ACKR2: variants seen among roughly 807,000 people sequenced by gnomAD.
The protein encoded by ACKR2 is C-C chemokine receptor D6.
For missense variants in ACKR2, 457 were observed against 477.3 expected, an observed-to-expected ratio of 0.96 and a Z score of 0.40; for synonymous variants, 207 against 192.2, an observed-to-expected ratio of 1.08 and a Z score of -0.64.
chr3:42,843,472 G>A (rs1165607674), intron 2 of ACKR2, among the ~76,000 whole-genome samples: 1 of 152,006 alleles, frequency 6.6e-6, no homozygotes, highest in African/African-American at 2.4e-5. Flanking sequence ...TTTCAGGTGT[G>A]TGTATGTGTA....
At chr3:42,858,571 C>T (rs2088346870) in intron 2 of ACKR2, among the ~76,000 whole-genome samples, 1 of 152,070 alleles carries the variant, frequency 6.6e-6, no homozygotes, top group Admixed American at 6.6e-5. Context: ...TGAGGAAAAA[C>T]CAGTGCAAAA....
At chr3:42,816,542 G>C (rs1169627372) in intron 1 of ACKR2, among the ~76,000 whole-genome samples, 2 of 151,726 alleles carry the variant, frequency 1.3e-5, no homozygotes, top group Admixed American at 1.3e-4. Flanking sequence ...AAAAGTCAAT[G>C]AACTGAGGCA....
intron 2 of ACKR2, among the ~76,000 whole-genome samples, chr3:42,861,562 A>C (rs2088384522): frequency 6.6e-6 from 1 of 152,222 alleles, no homozygotes; most frequent in Admixed American, 6.5e-5. Flanking sequence ...ACACAACAAA[A>C]AAAGAAAATT....
intron 2 of ACKR2, among the ~76,000 whole-genome samples, chr3:42,828,035 A>C (rs1445799394): frequency 6.6e-6 from 1 of 151,266 alleles, no homozygotes; most frequent in Non-Finnish European, 1.5e-5. Flanking sequence ...TGTAGTCATA[A>C]ATTCTAATCC....
rs1173264769 is a variant in ACKR2, at chr3:42,864,707, A to C, written c.205A>C (p.Met69Leu). ...LGLSGNLLLL[M>L]VLLRYVPRRR... ...CCTCAGCGGGAACCTCCTTCTTCTC[A>C]TGGTCTTGCTCCGTTACGTGCCTCG... The change falls in exon 3 of 3, where the codon ATG becomes CTG. Residue 69 changes from methionine to leucine, a missense_variant. Coordinates refer to ENST00000422265, the MANE Select transcript of ACKR2 (RefSeq NM_001296.5). 6.2e-7 allele frequency: 1 copy of C among 1,614,040 alleles called. No homozygotes were observed. The highest frequency in any genetic ancestry group is 1.3e-5 in the African/African-American group (1 of 74,988).
rs781740560 is a variant in ACKR2, at chr3:42,864,664, C to G, written c.162C>G (p.Ser54Arg). ...FGKVFLPVFY[S>R]LIFVLGLSGN... is the part of the protein sequence containing the mutation. ...AAGTCTTCCTCCCAGTCTTCTATAG[C>G]CTGATTTTTGTGTTGGGCCTCAGCG... The change falls in exon 3 of 3, where the codon AGC (serine) becomes AGG (arginine). Residue 54 changes from serine to arginine, a missense_variant. Transcript: ENST00000422265. 3 of 1,614,170 alleles carry G rather than the reference C, an allele frequency of 1.9e-6. No individual in the cohort carries two copies. The highest frequency in any genetic ancestry group is 2.2e-5 in the East Asian group (1 of 44,876).
At chr3:42,813,688 C>T (rs1255967732) in intron 1 of ACKR2, among the ~76,000 whole-genome samples, 1 of 152,210 alleles carries the variant, frequency 6.6e-6, no homozygotes, top group Admixed American at 6.5e-5. Flanking sequence ...GGGACACAAA[C>T]CATATCATAC....
At chr3:42,817,574 G>T (rs921553353) in intron 1 of ACKR2, among the ~76,000 whole-genome samples, 21 of 151,754 alleles carry the variant, frequency 1.4e-4, no homozygotes, top group African/African-American at 5.1e-4. Flanking sequence ...GCCTCTCCTC[G>T]CCCCTGCATC....
At chr3:42,828,555 GT>G (rs1204632794) in intron 2 of ACKR2, among the ~76,000 whole-genome samples, 1 of 152,194 alleles carries the variant, frequency 6.6e-6, no homozygotes, top group African/African-American at 2.4e-5. Flanking sequence ...CAAAAGGAAT[GT>G]TTTCTGAGAC....
rs2088436922 is a variant in ACKR2, at chr3:42,866,468, C to G, written c.*811C>G. 1 of 164,946 alleles carries G rather than the reference C, an allele frequency of 6.1e-6. No homozygotes were observed. The allele number at this position is 164,946 out of a possible 1,614,324, so 10.2% of individuals were successfully genotyped here. A position where few individuals can be genotyped will look rare whatever the true frequency, so the allele number is the denominator to read the frequency against. The stretch of plus-strand genomic sequence containing the variant: ...GGGATTACAGGTGTGAGCCACCATG[C>G]CTGGCCCTAATTTTTGTGTTTTTAT... On this transcript the variant is annotated 3_prime_UTR_variant, in exon 3 of 3. Coordinates refer to ENST00000422265, the MANE Select transcript of ACKR2 (RefSeq NM_001296.5).
intron 1 of ACKR2, among the ~76,000 whole-genome samples, chr3:42,817,221 T>A (rs1444647771): frequency 6.6e-6 from 1 of 152,196 alleles, no homozygotes; most frequent in Non-Finnish European, 1.5e-5. Context: ...TTCCTCTTGC[T>A]GCTATCTTCT....
chr3:42,832,891 T>C (rs1248265250), intron 2 of ACKR2, among the ~76,000 whole-genome samples: 1 of 151,858 alleles, frequency 6.6e-6, no homozygotes, highest in Non-Finnish European at 1.5e-5. Flanking sequence ...TGAGATAGGG[T>C]CTGACTCTGT....
At chr3:42,847,315 C>T (rs148241192) in intron 2 of ACKR2, among the ~76,000 whole-genome samples, 71 of 152,160 alleles carry the variant, frequency 4.7e-4, no homozygotes, top group African/African-American at 1.3e-3. Context: ...GAGTGGCCAG[C>T]GGGGGCCAGG....
At chr3:42,831,718 C>G (rs1700933834) in intron 2 of ACKR2, among the ~76,000 whole-genome samples, 1 of 152,186 alleles carries the variant, frequency 6.6e-6, no homozygotes, top group South Asian at 2.1e-4. Flanking sequence ...CTCCCTCTGC[C>G]TAGGATGTTC....
intron 2 of ACKR2, among the ~76,000 whole-genome samples, chr3:42,845,163 T>C (rs570078611): frequency 2.0e-5 from 3 of 152,316 alleles, no homozygotes; most frequent in Admixed American, 6.5e-5. Context: ...GTCCCTCTAA[T>C]GTTTAGACTG....
chr3:42,860,189 A>AAAAAAAAC lies in ACKR2; in HGVS notation c.-37-4277_-37-4276insAAAAAAAC, dbSNP rs376833790. On this transcript the variant is annotated intron_variant, in intron 2 of 2. Transcript: ENST00000422265. ...CAAAAAAAAAAAAAAAAAAAAAAAA[A>AAAAAAAAC]GCAGGGGATGCAATCCTAGTCTCTG... Among the ~76,000 whole-genome samples the AAAAAAAAC allele has an allele frequency of 7.1e-3, 794 of 111,610 alleles. 181 individuals carry two copies. The highest frequency in any genetic ancestry group is 0.027 in the East Asian group (71 of 2,676). The allele number at this position is 111,610 out of a possible 152,430, so 73.2% of individuals were successfully genotyped here.
At chr3:42,810,308 A>G (rs1336071193) in intron 1 of ACKR2, among the ~76,000 whole-genome samples, 1 of 152,196 alleles carries the variant, frequency 6.6e-6, no homozygotes, top group Admixed American at 6.5e-5. Flanking sequence ...TTTTGTTGAA[A>G]TTGTTTAAAA....
chr3:42,848,002 G>T (rs1181958505), intron 2 of ACKR2, among the ~76,000 whole-genome samples: 1 of 151,988 alleles, frequency 6.6e-6, no homozygotes, highest in Non-Finnish European at 1.5e-5. Flanking sequence ...ATGGCTGGGG[G>T]GTGACACTGA....
At chr3:42,831,207 TAGG>T (rs924602262) in intron 2 of ACKR2, among the ~76,000 whole-genome samples, 5 of 152,186 alleles carry the variant, frequency 3.3e-5, no homozygotes, top group Non-Finnish European at 7.3e-5. Context: ...CACGCTCACC[TAGG>T]AGAAGTTGCA....
Sources: gnomAD v4.1 joint callset for allele counts (sites outside exome capture counted in the v4.1 genomes callset) on GRCh38, gnomAD v4.1.1 for gene constraint, MANE v1.5 for transcripts, NCBI Gene and HGNC (gene_info 2026-07-23, HGNC 2026-07-21) for gene names.